CAMTA1: variants seen among roughly 807,000 people sequenced by gnomAD.
CAMTA1 encodes calmodulin binding transcription activator 1.
In CAMTA1, 27 loss-of-function variants were observed where a neutral mutation model predicts 170.9. The observed-to-expected ratio is 0.16, with a 90% confidence interval of 0.12 to 0.22. The LOEUF (loss-of-function observed/expected upper bound fraction) is 0.22. CAMTA1 is among the 10% of genes least tolerant of loss of function. CAMTA1 has a pLI of 1.00. For synonymous variants in CAMTA1, 833 were observed against 891.5 expected (o/e 0.93, Z 1.17); for missense variants, 1,619 against 2,217.2 (o/e 0.73, Z 5.42).
At chr1:7,214,452 C>CACTT (rs1659377209) in intron 4 of CAMTA1, among the ~76,000 whole-genome samples, 1 of 152,126 alleles carries the variant, frequency 6.6e-6, no homozygotes. Context: ...CTGCAACCTA[C>CACTT]ACTTCCCGGG....
At chr1:7,739,775 G>A (rs1351760778) in intron 16 of CAMTA1, among the ~76,000 whole-genome samples, 1 of 152,174 alleles carries the variant, frequency 6.6e-6, no homozygotes, top group Admixed American at 6.5e-5. Context: ...CCCACAATAC[G>A]TGGGCATTAT....
rs2094717407 is a variant in CAMTA1 at position 7,547,737 on chromosome 1, G to A, written c.510+79836G>A. The stretch of plus-strand genomic sequence containing the variant: ...TTTTAGCTCATCAGCTACCGTTAGT[G>A]TTAGTATATTTATGTGTGGCCTAAG... On this transcript the variant is annotated intron_variant, in intron 6 of 22. Transcript: ENST00000303635. The surrounding 1 kb of genome is among the most constrained non-coding windows in gnomAD (Gnocchi z 5.7). 6.6e-6 allele frequency among the ~76,000 whole-genome samples: 1 copy of A among 151,110 alleles called. No homozygotes were observed. Among genetic ancestry groups the A allele is most frequent in the South Asian group, 2.1e-4 (1 of 4,796 alleles).
At chr1:7,171,466 C>T (rs1192631780) in intron 4 of CAMTA1, among the ~76,000 whole-genome samples, 2 of 152,148 alleles carry the variant, frequency 1.3e-5, no homozygotes, top group Admixed American at 6.5e-5. Context: ...TTCTGCCTCC[C>T]CCAGTATCTC....
At chr1:7,197,627 A>ACC (rs35307696) in intron 4 of CAMTA1, among the ~76,000 whole-genome samples, 3 of 61,864 alleles carry the variant, frequency 4.8e-5, no homozygotes, top group South Asian at 6.4e-4. Context: ...ATTGTCCCCC[A>ACC]CCACACACAC....
intron 6 of CAMTA1, among the ~76,000 whole-genome samples, chr1:7,563,570 G>A (rs1170824498): frequency 6.6e-6 from 1 of 152,246 alleles, no homozygotes; most frequent in Non-Finnish European, 1.5e-5. Flanking sequence ...ACATCAGGGT[G>A]TTAGCAACCC....
intron 5 of CAMTA1, among the ~76,000 whole-genome samples, chr1:7,285,678 C>A (rs985017059): frequency 6.6e-6 from 1 of 152,142 alleles, no homozygotes; most frequent in East Asian, 1.9e-4. Context: ...AAGGGGAACT[C>A]GGCGCACAGG....
chr1:7,405,180 A>G (rs2090198986), intron 5 of CAMTA1, among the ~76,000 whole-genome samples: 2 of 151,710 alleles, frequency 1.3e-5, no homozygotes. Flanking sequence ...GAGTCTCTGC[A>G]TTTTCTAACT....
chr1:6,890,361 T>A (rs1312561867), intron 3 of CAMTA1, among the ~76,000 whole-genome samples: 1 of 152,192 alleles, frequency 6.6e-6, no homozygotes, highest in African/African-American at 2.4e-5. Flanking sequence ...CATCCATTTT[T>A]GGATGCATCT....
At chr1:7,385,493 T>C (rs1193172589) in intron 5 of CAMTA1, among the ~76,000 whole-genome samples, 2 of 152,152 alleles carry the variant, frequency 1.3e-5, no homozygotes, top group Non-Finnish European at 2.9e-5. Context: ...TTTCCAAATG[T>C]GCAAGTACTG....
chr1:7,704,442 C>A (rs1353635361), intron 11 of CAMTA1, among the ~76,000 whole-genome samples: 1 of 145,104 alleles, frequency 6.9e-6, no homozygotes, highest in Non-Finnish European at 1.5e-5. Flanking sequence ...GCGGCGGGGA[C>A]CGCGTCGCGA....
intron 6 of CAMTA1, 107 bp from the exon 7 acceptor site, chr1:7,640,293 G>A (rs34766132): frequency 0.064 from 78,475 of 1,228,334 alleles, 2,851 homozygotes; most frequent in African/African-American, 0.11. Flanking sequence ...AAGAGAGCCG[G>A]GTGTCTGGGG....
chr1:6,873,361 A>T (rs778497154), intron 3 of CAMTA1, among the ~76,000 whole-genome samples: 1 of 151,708 alleles, frequency 6.6e-6, no homozygotes, highest in Non-Finnish European at 1.5e-5. Flanking sequence ...CTTTGATGCC[A>T]TGTCCTTCTA....
chr1:7,512,961 G>A (rs2094222551), intron 6 of CAMTA1, among the ~76,000 whole-genome samples: 1 of 152,186 alleles, frequency 6.6e-6, no homozygotes, highest in East Asian at 1.9e-4. Flanking sequence ...TGCCAGAAGG[G>A]AAGATGGCAG....
chr1:7,626,175 C>G (rs1345231863), intron 6 of CAMTA1, among the ~76,000 whole-genome samples: 1 of 152,152 alleles, frequency 6.6e-6, no homozygotes, highest in Non-Finnish European at 1.5e-5. Flanking sequence ...TCATGATTCC[C>G]TCTAAAACAA....
At chr1:7,758,646 T>G (rs892085723) in intron 22 of CAMTA1, among the ~76,000 whole-genome samples, 14 of 152,198 alleles carry the variant, frequency 9.2e-5, no homozygotes, top group African/African-American at 3.4e-4. Flanking sequence ...ATAAAATACT[T>G]ATTTTTGGGC....
rs1232171356 is a variant in CAMTA1, at chr1:7,665,997, G to A, written c.2652+798G>A. Among the ~76,000 whole-genome samples, 3 of 151,756 alleles carry A rather than the reference G, an allele frequency of 2.0e-5. No individual in the cohort carries two copies. Among genetic ancestry groups the A allele is most frequent in the Non-Finnish European group, 2.9e-5 (2 of 67,948 alleles). ...AGCCTGGCCAACATGGTGAAACCCC[G>A]TCTCTACTAAAAATACAAAAAATTA... is the stretch of plus-strand genomic sequence containing the variant. On this transcript the variant is annotated intron_variant, in intron 9 of 22. Coordinates refer to ENST00000303635, the MANE Select transcript of CAMTA1 (RefSeq NM_015215.4). This position sits in a 1 kb window ranked among gnomAD's most constrained non-coding sequence, Gnocchi z 4.3.
At position 7,680,844 on chromosome 1, in the gene CAMTA1, G is replaced by A. The variant is rs1322064325; in HGVS notation, c.2914+3111G>A. Among the ~76,000 whole-genome samples the A allele has an allele frequency of 8.6e-6, 1 of 116,878 alleles. No individual in the cohort carries two copies. Among genetic ancestry groups the A allele is most frequent in the Admixed American group, 8.3e-5 (1 of 12,032 alleles). The allele number at this position is 116,878 out of a possible 152,430, so 76.7% of individuals were successfully genotyped here. ...CGTGGGTCCGGGGCGCAGAGAACAC[G>A]CGCGCGCGCGCGCGCGCCAGCAGCA... On this transcript the variant is annotated intron_variant, in intron 11 of 22. Coordinates refer to ENST00000303635, the MANE Select transcript of CAMTA1 (RefSeq NM_015215.4). The surrounding 1 kb of genome is among the most constrained non-coding windows in gnomAD (Gnocchi z 4.4).
At chr1:7,422,249 A>G (rs997252974) in intron 5 of CAMTA1, among the ~76,000 whole-genome samples, 5 of 152,004 alleles carry the variant, frequency 3.3e-5, no homozygotes, top group Admixed American at 1.3e-4. Context: ...CCTGGTGCCC[A>G]TGCTAGGAGC....
chr1:7,276,665 C>T (rs1326575774), intron 5 of CAMTA1, among the ~76,000 whole-genome samples: 1 of 152,010 alleles, frequency 6.6e-6, no homozygotes, highest in Non-Finnish European at 1.5e-5. Context: ...GGGAAATCAT[C>T]AATGTGTCCA....
Sources: gnomAD v4.1 joint callset for allele counts (sites outside exome capture counted in the v4.1 genomes callset) on GRCh38, gnomAD v4.1.1 for gene constraint, Gnocchi (gnomAD v3.1) non-coding constraint, MANE v1.5 for transcripts, NCBI Gene and HGNC (gene_info 2026-07-23, HGNC 2026-07-21) for gene names.